ABLIM1: variants seen among roughly 807,000 people sequenced by gnomAD.
ABLIM1 encodes the protein actin binding LIM protein 1, also known as actin-binding LIM protein 1.
Under a neutral mutation model 107.0 loss-of-function variants are expected in ABLIM1, and 40 were observed. The ratio of observed to expected loss-of-function variants is 0.37; its 90% CI spans 0.29 to 0.49. The LOEUF is 0.49. Among genes scored for constraint, ABLIM1 ranks in the 20% least tolerant of loss-of-function variants. The probability of loss-of-function intolerance (pLI) is 0.97; values close to 1 mark genes in which losing one functional copy is unlikely to be tolerated. For missense variants in ABLIM1, 857 were observed against 1,008.5 expected, an observed-to-expected ratio of 0.85 and a Z score of 2.04; for synonymous variants, 357 against 357.3, an observed-to-expected ratio of 1.00 and a Z score of 0.01.
intron 12 of ABLIM1, among the ~76,000 whole-genome samples, chr10:114,460,474 G>A (rs2063643446): frequency 6.6e-6 from 1 of 152,172 alleles, no homozygotes; most frequent in Non-Finnish European, 1.5e-5. Context: ...GGTGGCGCAC[G>A]CCTGTAATCC....
chr10:114,722,393 C>G (rs2081867752), intron 1 of ABLIM1, among the ~76,000 whole-genome samples: 1 of 152,128 alleles, frequency 6.6e-6, no homozygotes, highest in African/African-American at 2.4e-5. Context: ...AAGAAATCTG[C>G]CCCCATGATC....
chr10:114,589,927 T>C (rs1466350398), intron 2 of ABLIM1, among the ~76,000 whole-genome samples: 2 of 152,116 alleles, frequency 1.3e-5, no homozygotes, highest in African/African-American at 4.8e-5. Context: ...TCACAGTCAC[T>C]CCCCACTCAC....
chr10:114,581,574 G>C (rs12248679), intron 2 of ABLIM1, among the ~76,000 whole-genome samples: 1 of 152,140 alleles, frequency 6.6e-6, no homozygotes. Context: ...ATTTGTACCA[G>C]TAAGAGAGAG....
rs764596960 is a variant in ABLIM1, at chr10:114,472,963, T to C, written c.1275+14A>G. ...AAATTGTTGTACAACTCACAACCAG[T>C]AGGAATGTATTACCTCTCCAAGGCT... is the stretch of plus-strand genomic sequence containing the variant. On this transcript the variant is annotated intron_variant, in intron 10 of 22. Transcript: ENST00000533213. 6.5e-7 allele frequency: 1 copy of C among 1,547,968 alleles called. No homozygotes were observed. The highest frequency in any genetic ancestry group is 8.7e-7 in the Non-Finnish European group (1 of 1,143,402).
At chr10:114,539,976 C>T (rs2066467029) in intron 6 of ABLIM1, among the ~76,000 whole-genome samples, 4 of 152,184 alleles carry the variant, frequency 2.6e-5, no homozygotes, top group Admixed American at 2.6e-4. Context: ...TTTGCCCCTG[C>T]ACTTCTTAAT....
intron 1 of ABLIM1, among the ~76,000 whole-genome samples, chr10:114,605,284 T>A (rs908724913): frequency 1.3e-5 from 2 of 152,240 alleles, no homozygotes; most frequent in Non-Finnish European, 2.9e-5. Context: ...GTCTGGTTGT[T>A]ACCACATGTA....
intron 1 of ABLIM1, among the ~76,000 whole-genome samples, chr10:114,617,205 T>C (rs2077175744): frequency 1.3e-5 from 2 of 152,048 alleles, no homozygotes; most frequent in African/African-American, 4.8e-5. Context: ...CCGAAGGCAG[T>C]TGAACACTGT....
At chr10:114,483,416 C>T (rs1399283799) in intron 8 of ABLIM1, among the ~76,000 whole-genome samples, 1 of 152,094 alleles carries the variant, frequency 6.6e-6, no homozygotes, top group Non-Finnish European at 1.5e-5. Flanking sequence ...AGAATACAGG[C>T]ACGCACCACC....
chr10:114,677,546 G>A (rs2080541443), intron 1 of ABLIM1, among the ~76,000 whole-genome samples: 1 of 152,174 alleles, frequency 6.6e-6, no homozygotes, highest in African/African-American at 2.4e-5. Context: ...GCCGAGGTGG[G>A]AGGATCACTT....
chr10:114,769,457 A>AAG (rs1478250138), upstream of ABLIM1, among the ~76,000 whole-genome samples: 38 of 94,512 alleles, frequency 4.0e-4, no homozygotes, highest in Admixed American at 1.0e-3. Flanking sequence ...GAAAGAAAGA[A>AAG]AGAAAGAAAG....
intron 4 of ABLIM1, among the ~76,000 whole-genome samples, chr10:114,557,515 T>C (rs2068910133): frequency 6.6e-6 from 1 of 152,100 alleles, no homozygotes; most frequent in Admixed American, 6.6e-5. Flanking sequence ...GTATATATCA[T>C]ATATACTTAG....
chr10:114,618,090 C>A (rs1386992763), intron 1 of ABLIM1, among the ~76,000 whole-genome samples: 1 of 152,200 alleles, frequency 6.6e-6, no homozygotes, highest in African/African-American at 2.4e-5. Flanking sequence ...ATGCTTATAT[C>A]AACTCAGTCA....
At chr10:114,729,442 T>C (rs765423041) in intron 1 of ABLIM1, among the ~76,000 whole-genome samples, 1 of 152,048 alleles carries the variant, frequency 6.6e-6, no homozygotes, top group Admixed American at 6.5e-5. Flanking sequence ...TTATCTCTAG[T>C]ATAAAAATAC....
chr10:114,683,490 G>C (rs148201354), intron 1 of ABLIM1, among the ~76,000 whole-genome samples: 1 of 152,128 alleles, frequency 6.6e-6, no homozygotes, highest in Non-Finnish European at 1.5e-5. Context: ...AAGTGTAGCA[G>C]ACCCGGCTCC....
chr10:114,773,599 G>A, the ABLIM1 span, among the ~76,000 whole-genome samples: 1 of 152,152 alleles, frequency 6.6e-6, no homozygotes, highest in East Asian at 1.9e-4. Flanking sequence ...GTGCATGCCT[G>A]TAATCCCAGC....
chr10:114,669,860 A>T (rs1011799769), intron 1 of ABLIM1, among the ~76,000 whole-genome samples: 1 of 151,746 alleles, frequency 6.6e-6, no homozygotes, highest in African/African-American at 2.4e-5. Flanking sequence ...ATTTTTGGGG[A>T]GGAGAGAATG....
At chr10:114,481,655 G>C (rs769875944) in intron 8 of ABLIM1, among the ~76,000 whole-genome samples, 1 of 152,178 alleles carries the variant, frequency 6.6e-6, no homozygotes, top group Non-Finnish European at 1.5e-5. Context: ...GGTGCTGTGC[G>C]CACACACCAC....
intron 1 of ABLIM1, among the ~76,000 whole-genome samples, chr10:114,711,747 G>A (rs1277141722): frequency 6.6e-6 from 1 of 152,060 alleles, no homozygotes; most frequent in East Asian, 1.9e-4. Flanking sequence ...GGAGAGGGAG[G>A]GGGGCTTGTC....
chr10:114,477,785 A>G (rs1035892181), intron 8 of ABLIM1, among the ~76,000 whole-genome samples: 12 of 152,124 alleles, frequency 7.9e-5, no homozygotes, highest in African/African-American at 7.2e-5. Context: ...GTGCAGTGGC[A>G]TGATCTTGGC....
Sources: gnomAD v4.1 joint callset for allele counts (sites outside exome capture counted in the v4.1 genomes callset) on GRCh38, gnomAD v4.1.1 for gene constraint, MANE v1.5 for transcripts, NCBI Gene and HGNC (gene_info 2026-07-23, HGNC 2026-07-21) for gene names.